GDF5: variants seen among roughly 807,000 people sequenced by gnomAD.
The protein encoded by GDF5 is growth/differentiation factor 5.
A neutral mutation model predicts 34.6 loss-of-function variants in GDF5; 17 were observed. That is an observed-to-expected ratio of 0.49 (90% CI 0.34 to 0.74). GDF5 has a LOEUF of 0.74. GDF5 is among the 30% of genes least tolerant of loss of function. The probability of loss-of-function intolerance (pLI) is 0.01; values close to 1 mark genes in which losing one functional copy is unlikely to be tolerated. For synonymous variants in GDF5, 332 were observed against 290.7 expected, an observed-to-expected ratio of 1.14 and a Z score of -1.44; for missense variants, 616 against 661.2, an observed-to-expected ratio of 0.93 and a Z score of 0.75.
chr20:35,444,881 C>G (rs1601079810), intron 1 of GDF5, among the ~76,000 whole-genome samples: 1 of 152,254 alleles, frequency 6.6e-6, no homozygotes, highest in East Asian at 1.9e-4. Flanking sequence ...GCATGGGCCA[C>G]CGCACCCCGT....
intron 1 of GDF5, among the ~76,000 whole-genome samples, chr20:35,446,313 A>C (rs1354642545): frequency 6.6e-6 from 1 of 152,216 alleles, no homozygotes; most frequent in Non-Finnish European, 1.5e-5. Flanking sequence ...TCCGTCTCAA[A>C]AACAACAACA....
chr20:35,445,342 G>A (rs2062510262), intron 1 of GDF5, among the ~76,000 whole-genome samples: 1 of 151,266 alleles, frequency 6.6e-6, no homozygotes, highest in Non-Finnish European at 1.5e-5. Context: ...ACCAGCCTGG[G>A]CAACATAGCA....
At chr20:35,453,111 G>C (rs538016002) in intron 1 of GDF5, among the ~76,000 whole-genome samples, 100 of 152,262 alleles carry the variant, frequency 6.6e-4, no homozygotes, top group Middle Eastern at 3.4e-3. Flanking sequence ...TTAGCCGGGC[G>C]TGGTGGCGGG....
rs769966867 is a variant in GDF5 at position 35,433,860 on chromosome 20, G to A, written c.*49C>T. Reference sequence around the variant, plus strand: ...CCCCTCTGTGATTCCAGGAGTGCAGGAAGGGGCTCTTGGGATGTGCCACCC... The same window carrying A: ...CCCCTCTGTGATTCCAGGAGTGCAGAAAGGGGCTCTTGGGATGTGCCACCC... On this transcript the variant is annotated 3_prime_UTR_variant, in exon 2 of 2. Coordinates refer to ENST00000374369, the MANE Select transcript of GDF5 (RefSeq NM_000557.5). 3.3e-6 allele frequency: 5 copies of A among 1,515,256 alleles called. No individual in the cohort carries two copies. The highest frequency in any genetic ancestry group is 1.7e-4 in the Middle Eastern group (1 of 5,896). The allele number at this position is 1,515,256 out of a possible 1,614,324, so 93.9% of individuals were successfully genotyped here. A position where few individuals can be genotyped will look rare whatever the true frequency, so the allele number is the denominator to read the frequency against.
In GDF5 at chr20:35,437,988, G is replaced by C. The variant is rs567301733; in HGVS notation, c.-60C>G. The stretch of plus-strand genomic sequence containing the variant: ...CAGCGGCAGCAGCGAAGGTGCCTCT[G>C]GTTTGGCAGGAAAAACCATGAAAGG... On this transcript the variant is annotated 5_prime_UTR_variant, in exon 1 of 2. Transcript: ENST00000374369. 2.6e-4 allele frequency: 421 copies of C among 1,599,704 alleles called. 2 individuals are homozygous for C. The highest frequency in any genetic ancestry group is 5.7e-5 in the Non-Finnish European group (67 of 1,171,718).
chr20:35,449,598 A>G (rs1194007966), intron 1 of GDF5, among the ~76,000 whole-genome samples: 2 of 152,196 alleles, frequency 1.3e-5, no homozygotes, highest in Non-Finnish European at 2.9e-5. Context: ...GGCTCTGGAC[A>G]GAGTTCATTT....
At chr20:35,439,908 CTTT>C (rs34397706), upstream of GDF5, among the ~76,000 whole-genome samples, 1 of 71,678 alleles carries the variant, frequency 1.4e-5, no homozygotes, top group East Asian at 5.4e-4. Context: ...AGGCTTCCTT[CTTT>C]TTTTTTTTTT....
intron 1 of GDF5, among the ~76,000 whole-genome samples, chr20:35,447,036 T>C: frequency 6.6e-6 from 1 of 152,060 alleles, no homozygotes; most frequent in Non-Finnish European, 1.5e-5. Context: ...AGCATGCAGG[T>C]TTGTTACATA....
At chr20:35,451,751 C>T (rs1005602994) in intron 1 of GDF5, among the ~76,000 whole-genome samples, 1 of 151,868 alleles carries the variant, frequency 6.6e-6, no homozygotes, top group African/African-American at 2.4e-5. Flanking sequence ...CCAGGCTGGT[C>T]TCCAACTCCT....
intron 1 of GDF5, among the ~76,000 whole-genome samples, chr20:35,445,214 G>GGAAT (rs1189401512): frequency 1.3e-5 from 2 of 152,122 alleles, no homozygotes; most frequent in African/African-American, 4.8e-5. Context: ...GTATAAAATG[G>GGAAT]GAATAATAAC....
rs747277301 is a variant in GDF5 at position 35,434,767 on chromosome 20, C to T, written c.648G>A (p.Val216=). Residue 216 remains valine, a synonymous_variant, in exon 2 of 2, where the codon GTG becomes GTA. Transcript: ENST00000374369. ...IDKGQDDRGP[V]VRKQRYVFDI... is the part of the protein sequence containing the mutation. ...CAAACACGTACCTCTGCTTCCTGACCACGGGACCTCGGTCATCTAGAGAGA... is the reference window on the plus strand; with the variant it reads ...CAAACACGTACCTCTGCTTCCTGACTACGGGACCTCGGTCATCTAGAGAGA... The T allele has an allele frequency of 6.2e-7, 1 of 1,611,414 alleles. No individual in the cohort carries two copies. Among genetic ancestry groups the T allele is most frequent in the East Asian group, 2.2e-5 (1 of 44,882 alleles).
intron 1 of GDF5, among the ~76,000 whole-genome samples, chr20:35,449,970 A>C (rs1489409002): frequency 6.6e-6 from 1 of 151,174 alleles, no homozygotes; most frequent in Non-Finnish European, 1.5e-5. Flanking sequence ...ACCTGAGTGA[A>C]AGAGCAAAAC....
upstream of GDF5, chr20:35,441,189 A>T (rs2062496506): frequency 6.6e-6 from 1 of 152,158 alleles, no homozygotes; most frequent in Non-Finnish European, 1.5e-5. Flanking sequence ...GGAAGCCTCT[A>T]AACCCCTCTG....
In GDF5 at chr20:35,434,595, G is replaced by T; in HGVS notation, c.820C>A (p.Pro274Thr). ...GAGCGCACATCCAGCAAGGCGGCCGGCTGCCGGCCGCTGGGGCAGCTGGAC... is the reference window on the plus strand; with the variant it reads ...GAGCGCACATCCAGCAAGGCGGCCGTCTGCCGGCCGCTGGGGCAGCTGGAC... Reference protein sequence around the residue: ...KLSSCPSGRQPAALLDVRSVP... With the variant: ...KLSSCPSGRQTAALLDVRSVP... The change falls in exon 2 of 2, where the codon CCG becomes ACG. Residue 274 changes from proline (P) to threonine (T), a missense_variant. By Grantham distance (38) the Pro-to-Thr change is conservative (BLOSUM62 -1). Coordinates refer to ENST00000374369, the MANE Select transcript of GDF5 (RefSeq NM_000557.5). The T allele has an allele frequency of 6.3e-7, 1 of 1,588,042 alleles. No individual in the cohort carries two copies. The highest frequency in any genetic ancestry group is 8.6e-7 in the Non-Finnish European group (1 of 1,165,550).
rs750856510 is a variant in GDF5, at chr20:35,451,582, CT to C, written c.-398+3057del. On this transcript the variant is annotated intron_variant, in intron 1 of 3. Transcript: ENST00000374372. ...TGCGTTTTTTTTCTGTTTTTTTTTC[CT>C]TTTTTTTTTTTTTTCGAGACAGGGT... 7.3e-3 allele frequency among the ~76,000 whole-genome samples: 956 copies of C among 131,702 alleles called. 14 individuals are homozygous for C. The highest frequency in any genetic ancestry group is 0.055 in the East Asian group (267 of 4,816). The allele number at this position is 131,702 out of a possible 152,430, so 86.4% of individuals were successfully genotyped here.
At chr20:35,453,848 T>C (rs1030441035) in intron 1 of GDF5, 44 of 522,644 alleles carry the variant, frequency 8.4e-5, no homozygotes, top group Non-Finnish European at 1.7e-4. Context: ...CAGCACTTAT[T>C]GAGCACCTAT....
chr20:35,436,395 C>T (rs961094164), intron 1 of GDF5, among the ~76,000 whole-genome samples: 4 of 151,940 alleles, frequency 2.6e-5, no homozygotes, highest in African/African-American at 7.3e-5. Flanking sequence ...ACCCCTCCCC[C>T]ACCCTGCCAG....
upstream of GDF5, among the ~76,000 whole-genome samples, chr20:35,439,229 CAT>C (rs750486272): frequency 6.7e-6 from 1 of 148,712 alleles, no homozygotes; most frequent in Non-Finnish European, 1.5e-5. Context: ...CCATTTCCCA[CAT>C]GACGCTTTTT....
upstream of GDF5, chr20:35,441,461 T>TC (rs1440752968): frequency 6.6e-6 from 1 of 152,052 alleles, no homozygotes; most frequent in East Asian, 1.9e-4. Flanking sequence ...TAGCTTTTTT[T>TC]TTTTTTTTTT....
Sources: allele counts gnomAD v4.1 joint callset (sites outside exome capture counted in the v4.1 genomes callset), GRCh38; gene constraint gnomAD v4.1.1; transcripts MANE v1.5; gene names NCBI Gene and HGNC (gene_info 2026-07-23, HGNC 2026-07-21).